ACTR3: variants seen among roughly 807,000 people sequenced by gnomAD.
ACTR3 encodes the protein actin-related protein 3.
Under a neutral mutation model 56.8 loss-of-function variants are expected in ACTR3, and 12 were observed. That is an observed-to-expected ratio of 0.21 (90% confidence interval 0.14 to 0.34). ACTR3 has a LOEUF of 0.34. Among genes scored for constraint, ACTR3 ranks in the 10% least tolerant of loss-of-function variants. The pLI is 1.00. For synonymous variants in ACTR3, 162 were observed against 167.4 expected, an observed-to-expected ratio of 0.97 and a Z score of 0.25; for missense variants, 282 against 512.5, an observed-to-expected ratio of 0.55 and a Z score of 4.34.
Position 113,940,118 on chromosome 2 carries a change from G to A in ACTR3, c.684+16G>A. 6.2e-7 allele frequency: 1 copy of A among 1,600,216 alleles called. No homozygotes were observed. On this transcript the variant is annotated intron_variant, in intron 7 of 11. Transcript: ENST00000263238. ...GGCAGTAAAGGTAAAAAGTGTGATA[G>A]GAGTGTAATTTAGTTAAAAATTAAA...
chr2:113,926,478 A>G (rs1178389276), intron 3 of ACTR3, among the ~76,000 whole-genome samples: 1 of 152,230 alleles, frequency 6.6e-6, no homozygotes, highest in Non-Finnish European at 1.5e-5. Context: ...ATTTATAAAG[A>G]AAAGAGGTTT....
At chr2:113,910,424 G>A (rs1679286185) in intron 1 of ACTR3, among the ~76,000 whole-genome samples, 1 of 152,106 alleles carries the variant, frequency 6.6e-6, no homozygotes, top group South Asian at 2.1e-4. Context: ...GTGTTTCTCT[G>A]AGTTTTGTGA....
At chr2:113,896,082 A>G (rs535363759) in intron 1 of ACTR3, among the ~76,000 whole-genome samples, 106 of 152,306 alleles carry the variant, frequency 7.0e-4, no homozygotes, top group African/African-American at 2.5e-3. Flanking sequence ...GCTGGTCTCA[A>G]ACTTCTAGCA....
In ACTR3 at chr2:113,959,785, G is replaced by A. The variant is rs1680293667; in HGVS notation, c.*2330G>A. Reference sequence around the variant, plus strand: ...GTCTGTAACATTGATTAGATATCAAGCAACGTGAGCATGGTAGCAAAAGCA... The same window carrying A: ...GTCTGTAACATTGATTAGATATCAAACAACGTGAGCATGGTAGCAAAAGCA... On this transcript the variant is annotated 3_prime_UTR_variant, in exon 12 of 12. Transcript: ENST00000263238. 1 of 152,012 alleles carries A rather than the reference G, an allele frequency of 6.6e-6. No homozygotes were observed. The highest frequency in any genetic ancestry group is 2.4e-5 in the African/African-American group (1 of 41,442). 9.4% of individuals were successfully genotyped at this position (152,012 alleles called of 1,614,324 possible).
In ACTR3 at chr2:113,927,346, G is replaced by T. The variant is rs1483016861; in HGVS notation, c.227G>T (p.Trp76Leu). ...AIEKPTYATK[W>L]PIRHGIVEDW... ...GTATTTCCCTTTTTGTTTTAATAGT[G>T]GCCAATCCGCCATGGTATAGTTGAA... The change falls in exon 4 of 12, where the codon TGG becomes TTG. Residue 76 changes from tryptophan (W) to leucine (L), a missense_variant and splice_region_variant. By Grantham distance (61) the Trp-to-Leu change is moderately conservative. Transcript: ENST00000263238. 1.9e-6 allele frequency: 3 copies of T among 1,540,058 alleles called. No individual in the cohort carries two copies. Among genetic ancestry groups the T allele is most frequent in the Non-Finnish European group, 2.6e-6 (3 of 1,144,262 alleles).
chr2:113,949,394 G>GA (rs562713600), intron 8 of ACTR3, among the ~76,000 whole-genome samples: 20,842 of 108,690 alleles, frequency 0.19, 3,009 homozygotes, highest in African/African-American at 0.47. Flanking sequence ...AAAAAAAAAA[G>GA]AAAAAAAAAA....
chr2:113,943,049 A>G (rs916738366), intron 8 of ACTR3, among the ~76,000 whole-genome samples: 5 of 152,228 alleles, frequency 3.3e-5, no homozygotes, highest in African/African-American at 9.6e-5. Flanking sequence ...CTGGGTATTC[A>G]AAGATGAAAA....
chr2:113,890,712 T>C, intron 1 of ACTR3: 1 of 1,092,312 alleles, frequency 9.2e-7, no homozygotes, highest in Non-Finnish European at 1.1e-6. Context: ...GCCAGTCGGT[T>C]TGGGGACCCA....
At chr2:113,944,854 T>C (rs1052558525) in intron 8 of ACTR3, among the ~76,000 whole-genome samples, 25 of 152,206 alleles carry the variant, frequency 1.6e-4, no homozygotes, top group African/African-American at 6.0e-4. Context: ...ATTAATAGTA[T>C]GGGGCATCCA....
At chr2:113,893,503 A>G (rs1243014941) in intron 1 of ACTR3, among the ~76,000 whole-genome samples, 1 of 152,190 alleles carries the variant, frequency 6.6e-6, no homozygotes, top group Non-Finnish European at 1.5e-5. Flanking sequence ...CATGTTGACC[A>G]GGATGGTCTC....
At chr2:113,920,650 C>T (rs996177931) in intron 3 of ACTR3, among the ~76,000 whole-genome samples, 5 of 152,184 alleles carry the variant, frequency 3.3e-5, no homozygotes, top group Non-Finnish European at 5.9e-5. Flanking sequence ...CTTCTTTCCC[C>T]TACCCTTTCC....
In ACTR3 at chr2:113,959,542, T is replaced by G. The variant is rs1024738927; in HGVS notation, c.*2087T>G. On this transcript the variant is annotated 3_prime_UTR_variant, in exon 12 of 12. Transcript: ENST00000263238. The stretch of plus-strand genomic sequence containing the variant: ...AAAACATGAAGATCAAAAACTTTCT[T>G]GAAGCTTACGCTTAACTTATTTGGG... 2 of 152,098 alleles carry G rather than the reference T, an allele frequency of 1.3e-5. No individual in the cohort carries two copies. Among genetic ancestry groups the G allele is most frequent in the African/African-American group, 2.4e-5 (1 of 41,452 alleles). The allele number at this position is 152,098 out of a possible 1,614,324, so 9.4% of individuals were successfully genotyped here. A position where few individuals can be genotyped will look rare whatever the true frequency, so the allele number is the denominator to read the frequency against.
intron 1 of ACTR3, among the ~76,000 whole-genome samples, chr2:113,895,983 C>G (rs752411314): frequency 2.0e-5 from 3 of 152,080 alleles, no homozygotes; most frequent in Non-Finnish European, 4.4e-5. Context: ...CTCAGTCCCC[C>G]GAGTAGCTGG....
chr2:113,942,687 A>G (rs1679945760), intron 8 of ACTR3, among the ~76,000 whole-genome samples: 2 of 152,028 alleles, frequency 1.3e-5, no homozygotes, highest in South Asian at 4.1e-4. Context: ...TAATTGAAAT[A>G]AAATATTTTG....
chr2:113,893,454 C>G (rs1465644109), intron 1 of ACTR3, among the ~76,000 whole-genome samples: 1 of 152,022 alleles, frequency 6.6e-6, no homozygotes, highest in Non-Finnish European at 1.5e-5. Flanking sequence ...CCACCACACC[C>G]AGTTAATTTT....
rs762754201 is a variant in ACTR3 at position 113,959,243 on chromosome 2, A to G, written c.*1788A>G. The G allele has an allele frequency of 6.6e-6, 1 of 152,010 alleles. No individual in the cohort carries two copies. The allele number at this position is 152,010 out of a possible 1,614,324, so 9.4% of individuals were successfully genotyped here. A position where few individuals can be genotyped will look rare whatever the true frequency, so the allele number is the denominator to read the frequency against. On this transcript the variant is annotated 3_prime_UTR_variant, in exon 12 of 12. Coordinates refer to ENST00000263238, the MANE Select transcript of ACTR3 (RefSeq NM_005721.5). ...TTTCTGTGTAGGTAGAAATAAATGT[A>G]GCTTTCTTATTTTACACAAATAGGA...
At chr2:113,944,241 A>C (rs1237972348) in intron 8 of ACTR3, among the ~76,000 whole-genome samples, 32 of 152,158 alleles carry the variant, frequency 2.1e-4, no homozygotes, top group Admixed American at 2.1e-3. Flanking sequence ...CAGTCTGGAC[A>C]TTCTGAGAGA....
chr2:113,929,141 G>C (rs558421510), intron 4 of ACTR3, among the ~76,000 whole-genome samples: 1 of 143,348 alleles, frequency 7.0e-6, no homozygotes, highest in African/African-American at 2.6e-5. Context: ...TTTTTTTTTT[G>C]TTTTTGTTTT....
intron 8 of ACTR3, among the ~76,000 whole-genome samples, chr2:113,945,576 A>G (rs1559487464): frequency 6.6e-6 from 1 of 152,136 alleles, no homozygotes; most frequent in Non-Finnish European, 1.5e-5. Context: ...AAGTAGTGTA[A>G]TGTGATTCTT....
Sources: allele counts gnomAD v4.1 joint callset (sites outside exome capture counted in the v4.1 genomes callset), GRCh38; gene constraint gnomAD v4.1.1; transcripts MANE v1.5; gene names NCBI Gene and HGNC (gene_info 2026-07-23, HGNC 2026-07-21).